LMBRD2: variants seen among roughly 807,000 people sequenced by gnomAD.
The protein encoded by LMBRD2 is G protein-coupled receptor-associated protein LMBRD2.
Under a neutral mutation model 94.4 loss-of-function variants are expected in LMBRD2, and 55 were observed. The ratio of observed to expected loss-of-function variants is 0.58; its 90% confidence interval spans 0.47 to 0.73. The LOEUF (loss-of-function observed/expected upper bound fraction) is 0.73. Among genes scored for constraint, LMBRD2 ranks in the 30% least tolerant of loss-of-function variants. The pLI is 0.00. For synonymous variants in LMBRD2, 246 were observed against 272.4 expected, an observed-to-expected ratio of 0.90 and a Z score of 0.95; for missense variants, 640 against 831.9, an observed-to-expected ratio of 0.77 and a Z score of 2.84.
intron 1 of LMBRD2, among the ~76,000 whole-genome samples, chr5:36,145,085 A>G (rs952111336): frequency 2.6e-5 from 4 of 152,180 alleles, no homozygotes; most frequent in African/African-American, 9.7e-5. Flanking sequence ...CAGAGACTCT[A>G]TGAGAGCAGA....
rs1744273605 is a variant in LMBRD2, at chr5:36,136,441, G to A, written c.615C>T (p.Gly205=). 4 of 1,613,866 alleles carry A rather than the reference G, an allele frequency of 2.5e-6. 1 individual carries two copies. The highest frequency in any genetic ancestry group is 3.4e-6 in the Non-Finnish European group (4 of 1,179,918). The change falls in exon 6 of 18, where the codon GGC becomes GGT. Residue 205 remains glycine (G), a synonymous_variant. Transcript: ENST00000296603. ...AGTATGATCGAGGAATTTCCACCAA[G>A]CCATACCCCAACAACAACACAAGAA... ...LFLLVLLLGY[G]LVEIPRSYWN...
intron 6 of LMBRD2, among the ~76,000 whole-genome samples, chr5:36,130,530 A>T (rs1744127940): frequency 6.6e-6 from 1 of 152,220 alleles, no homozygotes; most frequent in Admixed American, 6.5e-5. Flanking sequence ...AGAATATCAC[A>T]AAACAACCAG....
intron 16 of LMBRD2, among the ~76,000 whole-genome samples, chr5:36,107,114 C>A (rs968742336): frequency 1.3e-5 from 2 of 152,162 alleles, no homozygotes; most frequent in African/African-American, 4.8e-5. Context: ...GGTGTGCATC[C>A]TTCTATCAGA....
chr5:36,117,938 T>C (rs1320936739), intron 9 of LMBRD2, 22 bp from the exon 10 acceptor site: 1 of 1,553,276 alleles, frequency 6.4e-7, no homozygotes, highest in East Asian at 2.3e-5. Flanking sequence ...AAGAAAAAAA[T>C]GATTAGGAAA....
rs1390877709 is a variant in LMBRD2 at position 36,103,710 on chromosome 5, C to T, written c.*336G>A. On this transcript the variant is annotated 3_prime_UTR_variant, in exon 18 of 18. Coordinates refer to ENST00000296603, the MANE Select transcript of LMBRD2 (RefSeq NM_001007527.2). ...AGTATGACTTATGGCTTCCTTGAAT[C>T]TTTAAAATAACTCTCTTGAAAAAAA... 6.1e-6 allele frequency: 1 copy of T among 163,410 alleles called. No homozygotes were observed. Among genetic ancestry groups the T allele is most frequent in the Non-Finnish European group, 1.3e-5 (1 of 74,894 alleles). The allele number at this position is 163,410 out of a possible 1,614,324, so 10.1% of individuals were successfully genotyped here.
intron 1 of LMBRD2, among the ~76,000 whole-genome samples, chr5:36,149,634 C>G (rs555609042): frequency 6.6e-6 from 1 of 152,170 alleles, no homozygotes; most frequent in Non-Finnish European, 1.5e-5. Context: ...CGGCTGGGCA[C>G]GGAGGCTCAC....
At chr5:36,114,266 C>T (rs969409138) in intron 13 of LMBRD2, among the ~76,000 whole-genome samples, 158 bp downstream of exon 13, 6 of 152,056 alleles carry the variant, frequency 3.9e-5, no homozygotes, top group Non-Finnish European at 7.4e-5. Context: ...GGGAGACTCG[C>T]ACCTGATCAC....
chr5:36,111,371 TATC>T, intron 13 of LMBRD2, 113 bp from the exon 14 acceptor site: 1 of 741,810 alleles, frequency 1.3e-6, no homozygotes, highest in Non-Finnish European at 2.3e-6. Context: ...CATTATCTGT[TATC>T]ATATAGTTAT....
At chr5:36,136,175 C>T in intron 6 of LMBRD2, 134 bp downstream of exon 6, 2 of 788,840 alleles carry the variant, frequency 2.5e-6, no homozygotes, top group South Asian at 1.5e-5. Context: ...ATGAGACATC[C>T]TGAAGGATTG....
intron 6 of LMBRD2, among the ~76,000 whole-genome samples, chr5:36,127,662 C>T (rs184515772): frequency 1.2e-4 from 18 of 152,226 alleles, no homozygotes; most frequent in East Asian, 3.9e-4. Flanking sequence ...CAGTAGTGGC[C>T]ATGGAGAGAG....
chr5:36,130,152 A>G (rs185756907), intron 6 of LMBRD2, among the ~76,000 whole-genome samples: 90 of 152,310 alleles, frequency 5.9e-4, no homozygotes, highest in Non-Finnish European at 1.1e-3. Context: ...AAACCTGCAC[A>G]TTGTGCACAT....
intron 6 of LMBRD2, among the ~76,000 whole-genome samples, chr5:36,124,703 G>A (rs952424296): frequency 6.6e-6 from 1 of 152,076 alleles, no homozygotes; most frequent in Admixed American, 6.6e-5. Context: ...TCCAATAGAA[G>A]AGTACTCTAG....
chr5:36,133,384 G>A (rs1744198019), intron 6 of LMBRD2, among the ~76,000 whole-genome samples: 1 of 152,030 alleles, frequency 6.6e-6, no homozygotes, highest in South Asian at 2.1e-4. Context: ...AGTGGGAATG[G>A]TTAATGGATA....
rs185770103 is a variant in LMBRD2 at position 36,109,952 on chromosome 5, C to T, written c.1784G>A (p.Arg595Gln). 2.0e-5 allele frequency: 32 copies of T among 1,604,502 alleles called. No individual in the cohort carries two copies. The Admixed American group carries it at 4.3e-4, about 22-fold the overall frequency. ...AATTAATACTGTACTTACTCTTCTTCGATTTTCACCTTCTTCTTGCCTTTG... is the reference window on the plus strand; with the variant it reads ...AATTAATACTGTACTTACTCTTCTTTGATTTTCACCTTCTTCTTGCCTTTG... ...KRQRQEEGEN[R>Q]RREWKERYGH... is the part of the protein sequence containing the mutation. Residue 595 changes from arginine (R) to glutamine (Q), a missense_variant, in exon 15 of 18, where the codon CGA becomes CAA. Coordinates refer to ENST00000296603, the MANE Select transcript of LMBRD2 (RefSeq NM_001007527.2).
At chr5:36,135,004 C>T (rs1399275382) in intron 6 of LMBRD2, among the ~76,000 whole-genome samples, 1 of 152,194 alleles carries the variant, frequency 6.6e-6, no homozygotes, top group Admixed American at 6.5e-5. Flanking sequence ...CAGTCCACTA[C>T]TTGTTCTCAT....
At chr5:36,113,946 T>C (rs1452086916) in intron 13 of LMBRD2, among the ~76,000 whole-genome samples, 1 of 152,198 alleles carries the variant, frequency 6.6e-6, no homozygotes, top group Admixed American at 6.5e-5. Flanking sequence ...ATTTCTCCTC[T>C]AATCTTAATG....
chr5:36,142,462 C>A, intron 3 of LMBRD2, 40 bp downstream of exon 3: 4 of 1,128,388 alleles, frequency 3.5e-6, no homozygotes, highest in Non-Finnish European at 2.7e-6. Flanking sequence ...ACAATGTGTC[C>A]CCTACAATGT....
intron 4 of LMBRD2, among the ~76,000 whole-genome samples, chr5:36,137,739 A>T (rs2111902229): frequency 6.6e-6 from 1 of 152,320 alleles, no homozygotes; most frequent in East Asian, 1.9e-4. Flanking sequence ...AGAATGGATA[A>T]AAGGGGAACA....
At chr5:36,114,869 CA>C in intron 12 of LMBRD2, 145 bp downstream of exon 12, 1 of 615,610 alleles carries the variant, frequency 1.6e-6, no homozygotes, top group Admixed American at 3.5e-5. Flanking sequence ...TTTATCTAGT[CA>C]ATAGTAATAC....
Sources: allele counts gnomAD v4.1 joint callset (sites outside exome capture counted in the v4.1 genomes callset), GRCh38; gene constraint gnomAD v4.1.1; transcripts MANE v1.5; gene names NCBI Gene and HGNC (gene_info 2026-07-23, HGNC 2026-07-21).